The following DPEP1 variants were observed in gnomAD, a reference collection of about 807,000 sequenced individuals.
The protein encoded by DPEP1 is beta-lactamase.
Under a neutral mutation model 42.3 loss-of-function variants are expected in DPEP1, and 50 were observed. The ratio of observed to expected loss-of-function variants is 1.18; its 90% confidence interval spans 0.94 to 1.50. The LOEUF (loss-of-function observed/expected upper bound fraction) is 1.50, where lower values mean the gene tolerates loss of function less well. Among genes scored for constraint, DPEP1 ranks in the 40% most tolerant of loss-of-function variants. DPEP1 has a pLI of 0.00. For missense variants in DPEP1, 663 were observed against 553.0 expected, an observed-to-expected ratio of 1.20 and a Z score of -1.99; for synonymous variants, 297 against 234.0, an observed-to-expected ratio of 1.27 and a Z score of -2.46.
At chr16:89,638,008 C>A (rs1438946696) in intron 10 of DPEP1, 37 bp downstream of exon 10, 7 of 1,609,054 alleles carry the variant, frequency 4.4e-6, no homozygotes, top group African/African-American at 1.3e-5. Context: ...TCCCCCACCA[C>A]CACCAGCAGG....
intron 2 of DPEP1, among the ~76,000 whole-genome samples, chr16:89,635,255 C>T (rs1460137362): frequency 6.6e-6 from 1 of 151,878 alleles, no homozygotes; most frequent in Non-Finnish European, 1.5e-5. Flanking sequence ...AGAGCTCCTA[C>T]CCTCACCACC....
chr16:89,635,909 C>G lies in DPEP1; in HGVS notation c.106C>G (p.His36Asp), dbSNP rs201263684. ...IMRDSPVIDG[H>D]NDLPWQLLDM... Reference sequence around the variant, plus strand: ...TGGCCTCTCCCCGGCAAACTCCAGGCACAATGACCTCCCCTGGCAGCTGCT... The same window carrying G: ...TGGCCTCTCCCCGGCAAACTCCAGGGACAATGACCTCCCCTGGCAGCTGCT... Residue 36 changes from histidine (H) to aspartate (D), a missense_variant and splice_region_variant, in exon 3 of 11, where the codon CAC becomes GAC. Coordinates refer to ENST00000690203, the MANE Select transcript of DPEP1 (RefSeq NM_001389466.1). The G allele has an allele frequency of 6.3e-7, 1 of 1,598,200 alleles. No individual in the cohort carries two copies. The highest frequency in any genetic ancestry group is 1.1e-5 in the South Asian group (1 of 88,776).
downstream of DPEP1, among the ~76,000 whole-genome samples, chr16:89,640,154 C>T (rs1459096936): frequency 3.3e-5 from 5 of 152,192 alleles, no homozygotes; most frequent in Non-Finnish European, 7.4e-5. Flanking sequence ...TATGGGCCTC[C>T]AAGGGTTCGT....
At chr16:89,638,812 C>T (rs1303627950), downstream of DPEP1, among the ~76,000 whole-genome samples, 2 of 88,936 alleles carry the variant, frequency 2.2e-5, no homozygotes, top group Non-Finnish European at 2.3e-5. Flanking sequence ...CCCCTGCACA[C>T]ACACACCCCA....
chr16:89,633,147 G>C (rs2151495037), intron 2 of DPEP1, among the ~76,000 whole-genome samples: 1 of 152,308 alleles, frequency 6.6e-6, no homozygotes, highest in South Asian at 2.1e-4. Flanking sequence ...GTGTAGGGTT[G>C]CACCTAGCGA....
chr16:89,637,641 A>G lies in DPEP1; in HGVS notation c.863A>G (p.Asp288Gly). The change falls in exon 9 of 11, where the codon GAT (aspartate) becomes GGT (glycine). Residue 288 changes from aspartate (D) to glycine (G), a missense_variant. By Grantham distance (94) the Asp-to-Gly change is moderately conservative. Coordinates refer to ENST00000690203, the MANE Select transcript of DPEP1 (RefSeq NM_001389466.1). Reference protein sequence around the residue: ...ANLSQVADHLDHIKEVAGARA... With the variant: ...ANLSQVADHLGHIKEVAGARA... ...GCTGCTCCCTGGACAGACCATCTGGATCACATCAAGGAGGTGGCAGGAGCC... is the reference window on the plus strand; with the variant it reads ...GCTGCTCCCTGGACAGACCATCTGGGTCACATCAAGGAGGTGGCAGGAGCC... 1 of 1,612,990 alleles carries G rather than the reference A, an allele frequency of 6.2e-7. No individual in the cohort carries two copies. Among genetic ancestry groups the G allele is most frequent in the Non-Finnish European group, 8.5e-7 (1 of 1,179,988 alleles).
rs181533880 is a variant in DPEP1, at chr16:89,613,661, C to A, written c.-165C>A. 3 of 152,552 alleles carry A rather than the reference C, an allele frequency of 2.0e-5. No homozygotes were observed. The highest frequency in any genetic ancestry group is 4.4e-5 in the Non-Finnish European group (3 of 68,270). The allele number at this position is 152,552 out of a possible 1,614,324, so 9.4% of individuals were successfully genotyped here. On this transcript the variant is annotated 5_prime_UTR_variant, in exon 1 of 11. Transcript: ENST00000690203. ...AGGGCCAGCCCAGCTGTGAGCCTGGCGTGGGAGCTGCCTAGGCCGGGCCCT... is the reference window on the plus strand; with the variant it reads ...AGGGCCAGCCCAGCTGTGAGCCTGGAGTGGGAGCTGCCTAGGCCGGGCCCT...
At chr16:89,622,090 G>T (rs2059453081) in intron 1 of DPEP1, among the ~76,000 whole-genome samples, 1 of 152,124 alleles carries the variant, frequency 6.6e-6, no homozygotes, top group South Asian at 2.1e-4. Context: ...GTGTGGGGTG[G>T]GGCCTCGGTG....
At chr16:89,632,408 G>A (rs1000411991) in intron 2 of DPEP1, among the ~76,000 whole-genome samples, 1 of 152,130 alleles carries the variant, frequency 6.6e-6, no homozygotes, top group African/African-American at 2.4e-5. Context: ...CTTGGCCACC[G>A]CCAGCGACAC....
At chr16:89,641,230 T>C (rs2059740665), downstream of DPEP1, among the ~76,000 whole-genome samples, 1 of 141,714 alleles carries the variant, frequency 7.1e-6, no homozygotes, top group South Asian at 2.3e-4. Context: ...CGGGGGGGGG[T>C]TGACTGATGT....
chr16:89,629,455 G>T (rs996427539), intron 1 of DPEP1, among the ~76,000 whole-genome samples: 2 of 152,084 alleles, frequency 1.3e-5, no homozygotes, highest in African/African-American at 4.8e-5. Flanking sequence ...TGAGCCGAGA[G>T]GGAGCCACTG....
At chr16:89,631,352 G>T (rs2059585838) in intron 2 of DPEP1, among the ~76,000 whole-genome samples, 2 of 152,130 alleles carry the variant, frequency 1.3e-5, no homozygotes, top group African/African-American at 2.4e-5. Context: ...TCCTGGCCCA[G>T]TGCCCCGACA....
At chr16:89,639,633 A>G (rs557616478), downstream of DPEP1, among the ~76,000 whole-genome samples, 2 of 150,638 alleles carry the variant, frequency 1.3e-5, no homozygotes, top group East Asian at 3.9e-4. Context: ...GCTCATTCTG[A>G]TTCTGTAAAC....
Position 89,637,391 on chromosome 16 carries a change from A to AG in DPEP1, c.768+16dup, listed in dbSNP as rs773679411. 1.3e-5 allele frequency: 21 copies of AG among 1,612,254 alleles called. No homozygotes were observed. In the South Asian group the frequency reaches 2.3e-4, roughly 18 times the overall value. The stretch of plus-strand genomic sequence containing the variant: ...GTCCTGAGGCTGGTGGTGAGGGCCG[A>AG]GGGGGCGACCTCCACCCCGCCTCCC... On this transcript the variant is annotated intron_variant, in intron 7 of 10. Coordinates refer to ENST00000690203, the MANE Select transcript of DPEP1 (RefSeq NM_001389466.1).
chr16:89,637,497 C>A lies in DPEP1; in HGVS notation c.798C>A (p.Asn266Lys). ...VKQTDSLVMVNFYNNYISCTN... is the reference protein window; with the variant it reads ...VKQTDSLVMVKFYNNYISCTN... ...AGACAGACAGCCTGGTGATGGTGAA[C>A]TTCTACAACAATTACATTTCCTGCA... The change falls in exon 8 of 11, where the codon AAC becomes AAA. Residue 266 changes from asparagine (N) to lysine (K), a missense_variant. Asn to Lys is a moderately conservative substitution (Grantham distance 94). Coordinates refer to ENST00000690203, the MANE Select transcript of DPEP1 (RefSeq NM_001389466.1). 1 of 1,612,838 alleles carries A rather than the reference C, an allele frequency of 6.2e-7. No homozygotes were observed. The highest frequency in any genetic ancestry group is 8.5e-7 in the Non-Finnish European group (1 of 1,179,986).
intron 1 of DPEP1, among the ~76,000 whole-genome samples, chr16:89,624,377 G>A (rs749655700): frequency 2.0e-4 from 30 of 152,262 alleles, no homozygotes; most frequent in Non-Finnish European, 2.9e-4. Flanking sequence ...GGCCTGGACC[G>A]TAATAGTCCA....
At chr16:89,639,767 C>A (rs574801899), downstream of DPEP1, among the ~76,000 whole-genome samples, 1 of 152,204 alleles carries the variant, frequency 6.6e-6, no homozygotes, top group South Asian at 2.1e-4. Flanking sequence ...CTCACTGCAA[C>A]CTCCGTCTCC....
rs192609134 is a variant in DPEP1, at chr16:89,614,889, C to T, written c.-107+1170C>T. ...CTAGAGAGAAAGCCTTGGGCACAGG[C>T]GGAAGTTGGAGTCTGGAGCTGCGGC... On this transcript the variant is annotated intron_variant, in intron 1 of 10. Coordinates refer to ENST00000690203, the MANE Select transcript of DPEP1 (RefSeq NM_001389466.1). Among the ~76,000 whole-genome samples the T allele has an allele frequency of 9.3e-4, 141 of 152,250 alleles. 1 individual carries two copies. The highest frequency in any genetic ancestry group is 3.2e-3 in the African/African-American group (134 of 41,560).
At chr16:89,627,539 C>T (rs2059530396) in intron 1 of DPEP1, among the ~76,000 whole-genome samples, 1 of 151,280 alleles carries the variant, frequency 6.6e-6, no homozygotes, top group African/African-American at 2.4e-5. Flanking sequence ...TGTGCCACCG[C>T]ACTCCAGCCT....
Sources: gnomAD v4.1 joint callset for allele counts (sites outside exome capture counted in the v4.1 genomes callset) on GRCh38, gnomAD v4.1.1 for gene constraint, MANE v1.5 for transcripts, NCBI Gene and HGNC (gene_info 2026-07-23, HGNC 2026-07-21) for gene names.